PLEKHH2: variants seen among roughly 807,000 people sequenced by gnomAD.
PLEKHH2 encodes pleckstrin homology, MyTH4 and FERM domain containing H2.
Under a neutral mutation model 187.9 loss-of-function variants are expected in PLEKHH2, and 129 were observed. That is an observed-to-expected ratio of 0.69 (90% CI 0.59 to 0.79). PLEKHH2 has a LOEUF of 0.79. Among genes scored for constraint, PLEKHH2 ranks in the 30% least tolerant of loss-of-function variants. PLEKHH2 has a pLI of 0.00. For missense variants in PLEKHH2, 2,076 were observed against 1,751.2 expected (o/e 1.19, Z -3.31); for synonymous variants, 686 against 605.6 (o/e 1.13, Z -1.95).
chr2:43,712,164 A>C, intron 14 of PLEKHH2, 61 bp from the exon 15 acceptor site: 1 of 1,555,310 alleles, frequency 6.4e-7, no homozygotes, highest in Admixed American at 1.7e-5. Context: ...TGAACAAGGA[A>C]ATGCTAACAA....
chr2:43,672,449 C>G (rs2060169), intron 2 of PLEKHH2, among the ~76,000 whole-genome samples: 69,199 of 151,920 alleles, frequency 0.46, 16,365 homozygotes, highest in Non-Finnish European at 0.51. Context: ...TTCCTAATGA[C>G]TTTAATTCAT....
At chr2:43,677,588 A>G (rs1025928669) in intron 2 of PLEKHH2, among the ~76,000 whole-genome samples, 11 of 151,674 alleles carry the variant, frequency 7.3e-5, no homozygotes, top group Non-Finnish European at 1.6e-4. Flanking sequence ...AAAGTCTCCC[A>G]TGTCTACTTC....
At position 43,681,365 on chromosome 2, in the gene PLEKHH2, T is replaced by A. The variant is rs1668173760; in HGVS notation, c.186+2440T>A. 2.1e-6 allele frequency: 3 copies of A among 1,404,132 alleles called. No individual in the cohort carries two copies. In the East Asian group the frequency reaches 7.0e-5, roughly 33 times the overall value. 87.0% of individuals were successfully genotyped at this position (1,404,132 alleles called of 1,614,324 possible). A position where few individuals can be genotyped will look rare whatever the true frequency, so the allele number is the denominator to read the frequency against. On this transcript the variant is annotated intron_variant, in intron 3 of 29. Coordinates refer to ENST00000282406, the MANE Select transcript of PLEKHH2 (RefSeq NM_172069.4). ...GGGGTCACCTGTCATCAGAATTTAC[T>A]TCTTGGCTGCTACTGGAAGGTTCTT...
chr2:43,702,197 T>C (rs1669408246), intron 8 of PLEKHH2, among the ~76,000 whole-genome samples: 6 of 152,256 alleles, frequency 3.9e-5, no homozygotes, highest in Admixed American at 2.6e-4. Context: ...TTTATTACTA[T>C]ATTTTTTATT....
At chr2:43,656,792 T>G (rs977559237) in intron 2 of PLEKHH2, among the ~76,000 whole-genome samples, 2 of 151,696 alleles carry the variant, frequency 1.3e-5, no homozygotes, top group Middle Eastern at 3.4e-3. Context: ...CTGAGGCGGG[T>G]GGATCACCTG....
At chr2:43,741,291 C>T (rs2104594813) in intron 21 of PLEKHH2, 1 of 279,742 alleles carries the variant, frequency 3.6e-6, no homozygotes. Context: ...GTGAAAAGTG[C>T]ATTTGCATTT....
chr2:43,721,069 A>G (rs187308721), intron 16 of PLEKHH2, among the ~76,000 whole-genome samples: 15 of 152,318 alleles, frequency 9.8e-5, no homozygotes, highest in African/African-American at 3.6e-4. Flanking sequence ...TAAGGTTGAT[A>G]GAAGGAAGCA....
intron 26 of PLEKHH2, among the ~76,000 whole-genome samples, chr2:43,758,333 A>G (rs1672295588): frequency 6.6e-6 from 1 of 151,642 alleles, no homozygotes; most frequent in Non-Finnish European, 1.5e-5. Flanking sequence ...GCTCGCTGCA[A>G]CCTCCACCTC....
chr2:43,638,784 T>TTTTAACTA (rs1703237429), intron 1 of PLEKHH2, among the ~76,000 whole-genome samples: 1 of 149,650 alleles, frequency 6.7e-6, no homozygotes, highest in Admixed American at 6.7e-5. Context: ...CCCAAGATGG[T>TTTTAACTA]GCACTAATAC....
At chr2:43,726,189 TA>T (rs1670735469) in intron 16 of PLEKHH2, 82 bp from the exon 17 acceptor site, 4 of 960,392 alleles carry the variant, frequency 4.2e-6, no homozygotes, top group Non-Finnish European at 6.1e-6. Context: ...TTTATAAATT[TA>T]AAAATGAAAA....
At chr2:43,695,088 G>C (rs137890410) in intron 5 of PLEKHH2, 55 bp from the exon 6 acceptor site, 4 of 908,822 alleles carry the variant, frequency 4.4e-6, no homozygotes, top group Middle Eastern at 3.6e-4. Context: ...TAATTTATTA[G>C]TACATTTTTA....
At chr2:43,698,544 C>A (rs12621907) in intron 7 of PLEKHH2, among the ~76,000 whole-genome samples, 3 of 152,022 alleles carry the variant, frequency 2.0e-5, no homozygotes, top group Non-Finnish European at 4.4e-5. Context: ...CCACTGCACC[C>A]GGCCTACTTG....
intron 2 of PLEKHH2, among the ~76,000 whole-genome samples, chr2:43,654,141 G>T (rs1275347931): frequency 6.6e-6 from 1 of 152,156 alleles, no homozygotes; most frequent in Non-Finnish European, 1.5e-5. Flanking sequence ...TTGGCTAAAA[G>T]AGTACATTTA....
At chr2:43,695,092 A>C (rs755046870) in intron 5 of PLEKHH2, 51 bp from the exon 6 acceptor site, 1 of 986,066 alleles carries the variant, frequency 1.0e-6, no homozygotes, top group South Asian at 2.4e-5. Flanking sequence ...TTATTAGTAC[A>C]TTTTTATAAT....
intron 22 of PLEKHH2, 41 bp downstream of exon 22, chr2:43,742,959 TGTAC>T (rs764328735): frequency 3.5e-6 from 5 of 1,409,012 alleles, no homozygotes; most frequent in Non-Finnish European, 4.7e-6. Context: ...AACAATCCTA[TGTAC>T]AACCTCTGTT....
At chr2:43,707,668 G>C (rs1327162863) in intron 11 of PLEKHH2, 123 bp downstream of exon 11, 3 of 1,145,236 alleles carry the variant, frequency 2.6e-6, no homozygotes, top group Non-Finnish European at 3.6e-6. Flanking sequence ...CTAGTGAAAA[G>C]AACTTTAGCC....
intron 2 of PLEKHH2, among the ~76,000 whole-genome samples, chr2:43,666,628 T>C (rs568447135): frequency 6.6e-6 from 1 of 152,360 alleles, no homozygotes; most frequent in South Asian, 2.1e-4. Context: ...ATATTCAATC[T>C]TTGTAATTTT....
rs1208447199 is a variant in PLEKHH2 at position 43,692,053 on chromosome 2, C to T, written c.187-461C>T. Among the ~76,000 whole-genome samples the T allele has an allele frequency of 2.6e-5, 4 of 152,132 alleles. No individual in the cohort carries two copies. The East Asian group carries it at 7.7e-4, about 29-fold the overall frequency. ...GGCTTTAAGGTTGTTTTCCCACCCC[C>T]CTTTCCATTGTGTATATGTTTCTTT... On this transcript the variant is annotated intron_variant, in intron 3 of 29. Transcript: ENST00000282406.
At chr2:43,705,312 G>C (rs1156592986) in intron 9 of PLEKHH2, among the ~76,000 whole-genome samples, 1 of 143,926 alleles carries the variant, frequency 6.9e-6, no homozygotes, top group East Asian at 2.0e-4. Flanking sequence ...TGGGAGTGGA[G>C]TGGTGTGATC....
Sources: allele counts gnomAD v4.1 joint callset (sites outside exome capture counted in the v4.1 genomes callset), GRCh38; gene constraint gnomAD v4.1.1; transcripts MANE v1.5; gene names NCBI Gene and HGNC (gene_info 2026-07-23, HGNC 2026-07-21).